Variants in ROBO2 observed in about 807,000 individuals in gnomAD.
The protein encoded by ROBO2 is roundabout homolog 2.
A neutral mutation model predicts 160.8 loss-of-function variants in ROBO2; 53 were observed. The observed-to-expected ratio is 0.33, with a 90% confidence interval of 0.26 to 0.41. The LOEUF (loss-of-function observed/expected upper bound fraction) is 0.41, where lower values mean the gene tolerates loss of function less well. Ranked by LOEUF, ROBO2 falls within the 10% of genes least tolerant of loss-of-function variation. The probability of loss-of-function intolerance (pLI) is 1.00; values close to 1 mark genes in which losing one functional copy is unlikely to be tolerated. For missense variants in ROBO2, 1,577 were observed against 1,722.4 expected (o/e 0.92, Z 1.49); for synonymous variants, 664 against 611.7 (o/e 1.09, Z -1.26).
intron 2 of ROBO2, among the ~76,000 whole-genome samples, chr3:77,104,324 T>C (rs181172905): frequency 4.6e-5 from 7 of 152,298 alleles, no homozygotes; most frequent in Admixed American, 3.9e-4. Context: ...ATATATTGTC[T>C]TGTGTGACTA....
At chr3:77,059,003 G>T (rs2066025637) in intron 1 of ROBO2, among the ~76,000 whole-genome samples, 1 of 152,054 alleles carries the variant, frequency 6.6e-6, no homozygotes, top group Admixed American at 6.6e-5. Flanking sequence ...TTTTTACTTT[G>T]GTGAGAAAGA....
chr3:76,997,575 G>A (rs1228362428), intron 2 of ROBO2, among the ~76,000 whole-genome samples: 3 of 152,114 alleles, frequency 2.0e-5, no homozygotes, highest in South Asian at 4.1e-4. Context: ...TTTTATGAAA[G>A]CAATGTAATT....
chr3:77,465,561 T>C (rs567533741), intron 2 of ROBO2, among the ~76,000 whole-genome samples: 2 of 152,250 alleles, frequency 1.3e-5, no homozygotes, highest in East Asian at 3.9e-4. Flanking sequence ...ATGGTCAAGG[T>C]GACTCCAGTG....
In ROBO2 at chr3:76,030,798, C is replaced by T. The variant is rs548298619; in HGVS notation, c.109+93196C>T. Among the ~76,000 whole-genome samples, 9 of 152,162 alleles carry T rather than the reference C, an allele frequency of 5.9e-5. No homozygotes were observed. In the South Asian group the frequency reaches 1.0e-3, roughly 18 times the overall value. ...TATAGTATAGTTTGAAGTCAGGTAG[C>T]GTGATGCCTCCAGCTTTGTTGTTTT... is the stretch of plus-strand genomic sequence containing the variant. On this transcript the variant is annotated intron_variant, in intron 2 of 26. Coordinates refer to the ROBO2 transcript ENST00000487694.
At chr3:76,134,815 A>G (rs948137166) in intron 2 of ROBO2, among the ~76,000 whole-genome samples, 3 of 152,134 alleles carry the variant, frequency 2.0e-5, no homozygotes, top group Non-Finnish European at 4.4e-5. Context: ...TAAAATGAGT[A>G]TAATAAAACC....
chr3:77,147,642 C>T (rs1399031909), intron 2 of ROBO2, among the ~76,000 whole-genome samples: 1 of 152,082 alleles, frequency 6.6e-6, no homozygotes. Context: ...TACTCTTTTA[C>T]TATGTGTAAT....
At chr3:76,228,365 A>C (rs1452807504) in intron 2 of ROBO2, among the ~76,000 whole-genome samples, 1 of 152,200 alleles carries the variant, frequency 6.6e-6, no homozygotes, top group Non-Finnish European at 1.5e-5. Context: ...GTTCAGCCAG[A>C]AACTTGGTGC....
At chr3:77,078,000 A>G (rs1481426324) in intron 1 of ROBO2, among the ~76,000 whole-genome samples, 3 of 152,138 alleles carry the variant, frequency 2.0e-5, no homozygotes, top group Non-Finnish European at 4.4e-5. Context: ...GTACACACAC[A>G]CAGTAACTTT....
rs1276239618 is a variant in ROBO2, at chr3:76,995,515, G to C, written c.110-102499G>C. 3.3e-5 allele frequency among the ~76,000 whole-genome samples: 5 copies of C among 152,224 alleles called. No homozygotes were observed. In the East Asian group the frequency reaches 9.7e-4, roughly 29 times the overall value. On this transcript the variant is annotated intron_variant, in intron 2 of 26. Coordinates refer to the ROBO2 transcript ENST00000487694. Reference sequence around the variant, plus strand: ...GGTATTTCTAGTTCTAGATCACTGAGGAATCGCCACACTGACTTCCACAAT... The same window carrying C: ...GGTATTTCTAGTTCTAGATCACTGACGAATCGCCACACTGACTTCCACAAT...
intron 2 of ROBO2, among the ~76,000 whole-genome samples, chr3:76,264,802 C>T (rs1706997347): frequency 6.6e-6 from 1 of 152,082 alleles, no homozygotes; most frequent in Non-Finnish European, 1.5e-5. Context: ...CTCAGGGCCT[C>T]AGGAATGATT....
intron 2 of ROBO2, among the ~76,000 whole-genome samples, chr3:76,777,794 A>G (rs185573969): frequency 6.6e-6 from 1 of 151,208 alleles, no homozygotes; most frequent in Admixed American, 6.6e-5. Flanking sequence ...TCTGGAGAAA[A>G]GATCAACTAC....
chr3:76,935,009 G>A (rs1217011668), intron 2 of ROBO2, among the ~76,000 whole-genome samples: 1 of 146,112 alleles, frequency 6.8e-6, no homozygotes, highest in African/African-American at 2.5e-5. Flanking sequence ...CTGGAGTTCA[G>A]TGGTCTGATA....
chr3:77,330,743 A>T (rs1266169074), intron 2 of ROBO2, among the ~76,000 whole-genome samples: 1 of 152,194 alleles, frequency 6.6e-6, no homozygotes, highest in Non-Finnish European at 1.5e-5. Flanking sequence ...CAGGCAAAGA[A>T]ATGTGGGTTT....
At chr3:76,173,778 G>A (rs1456746393) in intron 2 of ROBO2, among the ~76,000 whole-genome samples, 1 of 152,054 alleles carries the variant, frequency 6.6e-6, no homozygotes. Flanking sequence ...GGGCATTTGG[G>A]TTGTTTCCAA....
intron 2 of ROBO2, among the ~76,000 whole-genome samples, chr3:76,202,217 C>T (rs932940014): frequency 3.3e-5 from 5 of 152,114 alleles, no homozygotes; most frequent in South Asian, 2.1e-4. Flanking sequence ...TGAAGCCCTT[C>T]GACTGTTTCA....
intron 2 of ROBO2, among the ~76,000 whole-genome samples, chr3:75,941,633 CAATTT>C (rs147180500): frequency 6.6e-6 from 1 of 152,050 alleles, no homozygotes; most frequent in Non-Finnish European, 1.5e-5. Context: ...ATTTTGAGGA[CAATTT>C]AATTTAACTT....
intron 2 of ROBO2, among the ~76,000 whole-genome samples, chr3:76,076,459 A>G (rs139477548): frequency 3.9e-4 from 60 of 152,322 alleles, no homozygotes; most frequent in African/African-American, 1.4e-3. Context: ...AAAGAATCCT[A>G]TGGACATTTT....
intron 2 of ROBO2, among the ~76,000 whole-genome samples, chr3:76,479,446 A>C (rs1050376985): frequency 1.3e-5 from 2 of 152,152 alleles, no homozygotes; most frequent in Non-Finnish European, 2.9e-5. Context: ...CTTCAGTGAC[A>C]GAATGTAAAT....
intron 2 of ROBO2, among the ~76,000 whole-genome samples, chr3:76,101,913 A>G (rs1316837049): frequency 1.4e-5 from 2 of 144,896 alleles, no homozygotes; most frequent in East Asian, 2.1e-4. Flanking sequence ...AAGTGTTCCC[A>G]TTGTACCCCA....
Sources: gnomAD v4.1 joint callset for allele counts (sites outside exome capture counted in the v4.1 genomes callset) on GRCh38, gnomAD v4.1.1 for gene constraint, MANE v1.5 for transcripts, NCBI Gene and HGNC (gene_info 2026-07-23, HGNC 2026-07-21) for gene names.